The following SV2C variants were observed in gnomAD, a reference collection of about 807,000 sequenced individuals.
The protein encoded by SV2C is solute carrier family 22 member B3.
SV2C carries 49 observed loss-of-function variants against 79.7 expected under a neutral mutation model. That is an observed-to-expected ratio of 0.61 (90% CI 0.49 to 0.78). The LOEUF is 0.78. Among genes scored for constraint, SV2C ranks in the 30% least tolerant of loss-of-function variants. The probability of loss-of-function intolerance (pLI) is 0.00; values close to 1 mark genes in which losing one functional copy is unlikely to be tolerated. For missense variants in SV2C, 833 were observed against 912.9 expected, an observed-to-expected ratio of 0.91 and a Z score of 1.13; for synonymous variants, 334 against 333.2, an observed-to-expected ratio of 1.00 and a Z score of -0.03.
At chr5:75,966,045 A>T in the SV2C span, among the ~76,000 whole-genome samples, 1 of 152,208 alleles carries the variant, frequency 6.6e-6, no homozygotes, top group South Asian at 2.1e-4. Flanking sequence ...CACTATTACA[A>T]TTGCATTCAG....
chr5:76,006,719 C>T, the SV2C span, among the ~76,000 whole-genome samples: 1 of 152,096 alleles, frequency 6.6e-6, no homozygotes, highest in African/African-American at 2.4e-5. Context: ...TTTGACACAG[C>T]ACTCCCAGAA....
At chr5:76,351,717 A>G (rs914454650) in intron 12 of SV2C, among the ~76,000 whole-genome samples, 2 of 152,164 alleles carry the variant, frequency 1.3e-5, no homozygotes, top group African/African-American at 2.4e-5. Flanking sequence ...TATCTGTTCT[A>G]TAGTGCTGAT....
the SV2C span, among the ~76,000 whole-genome samples, chr5:75,993,701 C>T: frequency 1.3e-5 from 2 of 152,022 alleles, no homozygotes. Flanking sequence ...GTTCTCTTTC[C>T]TTCAGGGAGG....
At chr5:76,230,348 C>T (rs1238107053) in intron 4 of SV2C, among the ~76,000 whole-genome samples, 1 of 152,104 alleles carries the variant, frequency 6.6e-6, no homozygotes, top group East Asian at 1.9e-4. Context: ...GTATCAACAG[C>T]ATCAATGATG....
At chr5:76,019,924 A>G in the SV2C span, among the ~76,000 whole-genome samples, 1 of 152,156 alleles carries the variant, frequency 6.6e-6, no homozygotes, top group Non-Finnish European at 1.5e-5. Flanking sequence ...CTAAGTGTTG[A>G]GTGATACTCA....
At chr5:75,997,387 A>G in the SV2C span, among the ~76,000 whole-genome samples, 1 of 150,172 alleles carries the variant, frequency 6.7e-6, no homozygotes, top group South Asian at 2.1e-4. Context: ...AAAACCTACC[A>G]TCAGAGTGAA....
At chr5:76,223,797 T>C (rs1317622944) in intron 4 of SV2C, among the ~76,000 whole-genome samples, 1 of 152,100 alleles carries the variant, frequency 6.6e-6, no homozygotes. Context: ...TACCACAGAC[T>C]GGGTGGCTTA....
intron 2 of SV2C, among the ~76,000 whole-genome samples, chr5:76,159,643 C>A (rs1261968067): frequency 6.6e-6 from 1 of 152,074 alleles, no homozygotes; most frequent in Non-Finnish European, 1.5e-5. Context: ...AGATGCATCA[C>A]TCCAGGGTCT....
At chr5:75,977,800 C>T in the SV2C span, among the ~76,000 whole-genome samples, 96 of 152,294 alleles carry the variant, frequency 6.3e-4, no homozygotes, top group African/African-American at 2.1e-3. Flanking sequence ...TGCACTGGCT[C>T]ATATCCTCCC....
At chr5:75,877,609 A>C in the SV2C span, among the ~76,000 whole-genome samples, 1 of 149,282 alleles carries the variant, frequency 6.7e-6, no homozygotes, top group African/African-American at 2.5e-5. Flanking sequence ...AAAAAAAAAA[A>C]AAATCAAATT....
intron 12 of SV2C, among the ~76,000 whole-genome samples, chr5:76,347,848 A>G (rs886571400): frequency 5.3e-5 from 8 of 152,186 alleles, no homozygotes; most frequent in Non-Finnish European, 1.5e-5. Flanking sequence ...GCCCTGATAC[A>G]CAGCCTTTCC....
intron 4 of SV2C, among the ~76,000 whole-genome samples, chr5:76,272,362 A>T (rs1385096166): frequency 6.6e-6 from 1 of 152,238 alleles, no homozygotes; most frequent in African/African-American, 2.4e-5. Context: ...TTTGTTGATC[A>T]TGAGCAAGAT....
intron 6 of SV2C, among the ~76,000 whole-genome samples, chr5:76,289,640 A>G (rs1747485697): frequency 6.6e-6 from 1 of 152,206 alleles, no homozygotes. Context: ...GATTTGGTGC[A>G]GTCCTCCTTA....
At chr5:76,347,346 G>A (rs1201317411) in intron 12 of SV2C, among the ~76,000 whole-genome samples, 1 of 152,134 alleles carries the variant, frequency 6.6e-6, no homozygotes, top group African/African-American at 2.4e-5. Context: ...CAACACTCTG[G>A]GAAGCTGGGG....
intron 12 of SV2C, among the ~76,000 whole-genome samples, chr5:76,304,030 A>G (rs1748102632): frequency 6.6e-6 from 1 of 152,108 alleles, no homozygotes; most frequent in Non-Finnish European, 1.5e-5. Flanking sequence ...GTCCTGTGTG[A>G]CTCAGGAAGC....
At chr5:76,076,442 A>C in the SV2C span, among the ~76,000 whole-genome samples, 1 of 152,256 alleles carries the variant, frequency 6.6e-6, no homozygotes, top group African/African-American at 2.4e-5. Flanking sequence ...CTTCAGGAAA[A>C]GATTGAAGTT....
chr5:75,867,110 C>T, the SV2C span, among the ~76,000 whole-genome samples: 23 of 152,072 alleles, frequency 1.5e-4, no homozygotes, highest in Non-Finnish European at 1.3e-4. Flanking sequence ...TTCTCCACAC[C>T]CCCAGGCTTC....
In SV2C at chr5:76,159,061, AAAATCATTTGATAAATTCAACACCTTTT is replaced by A. The variant is rs1684002058; in HGVS notation, c.580+26732_580+26759del. On this transcript the variant is annotated intron_variant, in intron 2 of 12. Coordinates refer to ENST00000502798, the MANE Select transcript of SV2C (RefSeq NM_014979.4). The stretch of plus-strand genomic sequence containing the variant: ...AACCATGATCATCTCAATACACAGA[AAAATCATTTGATAAATTCAACACCTTTT>A]CATGGTAAAAACATTCAAAAAACTA... Among the ~76,000 whole-genome samples, 2 of 152,252 alleles carry A rather than the reference AAAATCATTTGATAAATTCAACACCTTTT, an allele frequency of 1.3e-5. 1 individual carries two copies. Among genetic ancestry groups the A allele is most frequent in the South Asian group, 4.1e-4 (2 of 4,822 alleles).
intron 2 of SV2C, among the ~76,000 whole-genome samples, chr5:76,164,402 G>T (rs183579481): frequency 1.6e-3 from 251 of 152,238 alleles, no homozygotes; most frequent in African/African-American, 5.2e-3. Flanking sequence ...AAATTTACGA[G>T]CTCCACAATA....
Sources: allele counts gnomAD v4.1 joint callset (sites outside exome capture counted in the v4.1 genomes callset), GRCh38; gene constraint gnomAD v4.1.1; transcripts MANE v1.5; gene names NCBI Gene and HGNC (gene_info 2026-07-23, HGNC 2026-07-21).